The following DENND5B variants were observed in gnomAD, a reference collection of about 807,000 sequenced individuals.
DENND5B encodes the protein DENN domain-containing protein 5B.
A neutral mutation model predicts 140.6 loss-of-function variants in DENND5B; 34 were observed. The observed-to-expected ratio is 0.24, with a 90% CI of 0.18 to 0.32. The LOEUF is 0.32. Ranked by LOEUF, DENND5B falls within the 10% of genes least tolerant of loss-of-function variation. The pLI is 1.00. For missense variants in DENND5B, 1,142 were observed against 1,560.2 expected (o/e 0.73, Z 4.52); for synonymous variants, 551 against 562.1 (o/e 0.98, Z 0.28).
chr12:31,484,800 CAAACAAAACA>C (rs56873909), intron 2 of DENND5B, among the ~76,000 whole-genome samples: 11,770 of 151,964 alleles, frequency 0.077, 1,034 homozygotes, highest in African/African-American at 0.22. Flanking sequence ...GACTCCATCT[CAAACAAAACA>C]AAACAAAACA....
intron 7 of DENND5B, among the ~76,000 whole-genome samples, chr12:31,436,980 T>C (rs894587592): frequency 6.6e-6 from 1 of 152,208 alleles, no homozygotes; most frequent in African/African-American, 2.4e-5. Context: ...TCTATGACTC[T>C]TTCAAATCTA....
At chr12:31,583,463 G>A (rs1298064820) in intron 1 of DENND5B, among the ~76,000 whole-genome samples, 1 of 151,830 alleles carries the variant, frequency 6.6e-6, no homozygotes, top group Non-Finnish European at 1.5e-5. Flanking sequence ...GATCACCTGA[G>A]GTCAGGAGTT....
Position 31,510,647 on chromosome 12 carries a change from C to T in DENND5B, c.128-14728G>A, listed in dbSNP as rs75726549. On this transcript the variant is annotated intron_variant, in intron 1 of 20. Coordinates refer to ENST00000389082, the MANE Select transcript of DENND5B (RefSeq NM_144973.4). ...CACCCAACATCTCAAATCAAACCAT[C>T]TTGCACTTGAAATCTCTCTAATTTC... Among the ~76,000 whole-genome samples the T allele has an allele frequency of 5.8e-3, 876 of 152,288 alleles. 8 individuals are homozygous for T. Among genetic ancestry groups the T allele is most frequent in the Non-Finnish European group, 9.8e-3 (666 of 68,032 alleles).
intron 11 of DENND5B, among the ~76,000 whole-genome samples, chr12:31,416,866 T>C (rs1159118543): frequency 1.3e-5 from 2 of 150,550 alleles, no homozygotes; most frequent in Non-Finnish European, 2.9e-5. Context: ...CAAATAATTA[T>C]ATGGGTTTGG....
At chr12:31,389,296 T>C (rs768943296) in intron 20 of DENND5B, 28 bp downstream of exon 20, 9 of 1,596,126 alleles carry the variant, frequency 5.6e-6, no homozygotes, top group East Asian at 2.2e-5. Context: ...GTGACAAAGA[T>C]AGGGAAAATA....
chr12:31,556,831 G>T (rs901445178), intron 1 of DENND5B, among the ~76,000 whole-genome samples: 8 of 151,978 alleles, frequency 5.3e-5, no homozygotes, highest in African/African-American at 1.9e-4. Context: ...GAGTAAATTG[G>T]CAATATGATT....
intron 1 of DENND5B, among the ~76,000 whole-genome samples, chr12:31,576,138 C>G (rs1228511020): frequency 3.0e-5 from 2 of 65,682 alleles, no homozygotes; most frequent in Non-Finnish European, 5.1e-5. Context: ...AAGGCTCTGT[C>G]TCCAAAAAAA....
chr12:31,449,731 G>GTTTTGTTT (rs1555149742), intron 5 of DENND5B, among the ~76,000 whole-genome samples: 2 of 89,970 alleles, frequency 2.2e-5, no homozygotes, highest in Non-Finnish European at 4.3e-5. Context: ...ACACAGATTA[G>GTTTTGTTT]TTTTTTTTTT....
rs58109707 is a variant in DENND5B at position 31,494,138 on chromosome 12, T to TTCTATCTATCTATCTA, written c.237+1656_237+1671dup. Among the ~76,000 whole-genome samples, 59 of 139,854 alleles carry TTCTATCTATCTATCTA rather than the reference T, an allele frequency of 4.2e-4. 1 individual carries two copies. Among genetic ancestry groups the TTCTATCTATCTATCTA allele is most frequent in the African/African-American group, 8.5e-4 (32 of 37,618 alleles). The allele number at this position is 139,854 out of a possible 152,430, so 91.7% of individuals were successfully genotyped here. A position where few individuals can be genotyped will look rare whatever the true frequency, so the allele number is the denominator to read the frequency against. Reference sequence around the variant, plus strand: ...TCTCAAGGTTGACTATCTCTCTATCTTCTATCTATCTATCTATCTATCTAT... The same window carrying TTCTATCTATCTATCTA: ...TCTCAAGGTTGACTATCTCTCTATCTTCTATCTATCTATCTATCTATCTATCTATCTATCTATCTAT... On this transcript the variant is annotated intron_variant, in intron 2 of 20. Transcript: ENST00000389082.
intron 1 of DENND5B, among the ~76,000 whole-genome samples, chr12:31,587,195 A>ACATC (rs1403417182): frequency 1.3e-5 from 2 of 152,148 alleles, no homozygotes; most frequent in Non-Finnish European, 2.9e-5. Context: ...TACAGTCCAG[A>ACATC]TCTTCCCCCA....
At chr12:31,458,391 A>T (rs2138217242) in intron 4 of DENND5B, among the ~76,000 whole-genome samples, 1 of 152,370 alleles carries the variant, frequency 6.6e-6, no homozygotes, top group East Asian at 1.9e-4. Context: ...AACAAAATGC[A>T]TTTGGCTAGT....
chr12:31,530,277 G>A (rs1287300815), intron 1 of DENND5B, among the ~76,000 whole-genome samples: 1 of 152,158 alleles, frequency 6.6e-6, no homozygotes, highest in South Asian at 2.1e-4. Flanking sequence ...GGAGGCTGAC[G>A]CAGGAGAATG....
chr12:31,394,404 A>AC (rs1593044432), intron 17 of DENND5B, among the ~76,000 whole-genome samples: 1 of 152,176 alleles, frequency 6.6e-6, no homozygotes, highest in South Asian at 2.1e-4. Flanking sequence ...CTCAGATAAT[A>AC]CCCCCATGAA....
chr12:31,498,991 G>A (rs28436880), intron 1 of DENND5B, among the ~76,000 whole-genome samples: 75,264 of 134,200 alleles, frequency 0.56, 21,277 homozygotes, highest in East Asian at 0.83. Context: ...AAAAAAAAAA[G>A]AGAATTTAGA....
chr12:31,587,211 T>C (rs1042871304), intron 1 of DENND5B, among the ~76,000 whole-genome samples: 1 of 152,222 alleles, frequency 6.6e-6, no homozygotes, highest in Non-Finnish European at 1.5e-5. Context: ...CCCCAAGAGA[T>C]GTCTTGTCTA....
At chr12:31,529,174 A>AAG (rs1555168950) in intron 1 of DENND5B, among the ~76,000 whole-genome samples, 1 of 151,684 alleles carries the variant, frequency 6.6e-6, no homozygotes. Flanking sequence ...AAAAAAAAAA[A>AAG]AAAAGAAAAG....
chr12:31,452,315 G>C lies in DENND5B; in HGVS notation c.1254C>G (p.Ser418Arg). ...EGSLHCSEST[S>R]KLKNMVLKDL... is the part of the protein sequence containing the mutation. ...CTTTCAGAACCATATTCTTCAGTTTGCTGGTACTCTCACTGCAATGTAGGC... is the reference window on the plus strand; with the variant it reads ...CTTTCAGAACCATATTCTTCAGTTTCCTGGTACTCTCACTGCAATGTAGGC... Residue 418 changes from serine (S) to arginine (R), a missense_variant, in exon 5 of 21, where the codon AGC becomes AGG. Ser to Arg is a moderately radical substitution (Grantham distance 110). Coordinates refer to ENST00000389082, the MANE Select transcript of DENND5B (RefSeq NM_144973.4). 1 of 1,613,888 alleles carries C rather than the reference G, an allele frequency of 6.2e-7. No homozygotes were observed. The highest frequency in any genetic ancestry group is 8.5e-7 in the Non-Finnish European group (1 of 1,179,890).
At chr12:31,456,113 T>TG (rs1181784781) in intron 4 of DENND5B, among the ~76,000 whole-genome samples, 1 of 151,928 alleles carries the variant, frequency 6.6e-6, no homozygotes, top group Non-Finnish European at 1.5e-5. Context: ...GTGGATCACT[T>TG]GAGGTCAGAA....
chr12:31,535,279 A>G (rs1948448094), intron 1 of DENND5B: 1 of 177,802 alleles, frequency 5.6e-6, no homozygotes, highest in Non-Finnish European at 1.2e-5. Context: ...CTTAATGAAC[A>G]CTAGGGATAA....
Sources: gnomAD v4.1 joint callset for allele counts (sites outside exome capture counted in the v4.1 genomes callset) on GRCh38, gnomAD v4.1.1 for gene constraint, MANE v1.5 for transcripts, NCBI Gene and HGNC (gene_info 2026-07-23, HGNC 2026-07-21) for gene names.